DNAH5: variants seen among roughly 807,000 people sequenced by gnomAD.
DNAH5 encodes the protein axonemal beta dynein heavy chain 5.
DNAH5 carries 372 observed loss-of-function variants against 518.2 expected under a neutral mutation model. The observed-to-expected ratio is 0.72, with a 90% CI of 0.66 to 0.78. The LOEUF (loss-of-function observed/expected upper bound fraction) is 0.78, where lower values mean the gene tolerates loss of function less well. DNAH5 is among the 30% of genes least tolerant of loss of function. The probability of loss-of-function intolerance (pLI) is 0.00; values close to 1 mark genes in which losing one functional copy is unlikely to be tolerated. For synonymous variants in DNAH5, 2,039 were observed against 2,025.9 expected (o/e 1.01, Z -0.17); for missense variants, 5,523 against 5,687.0 (o/e 0.97, Z 0.93).
chr5:13,754,076 G>A (rs757716927), intron 62 of DNAH5, 127 bp downstream of exon 62: 81 of 1,086,732 alleles, frequency 7.5e-5, no homozygotes, highest in Admixed American at 1.1e-4. Context: ...TGCGCACAAT[G>A]TGCGGGTTTG....
chr5:13,843,558 T>C (rs1765561799), intron 32 of DNAH5, among the ~76,000 whole-genome samples: 1 of 152,204 alleles, frequency 6.6e-6, no homozygotes, highest in Non-Finnish European at 1.5e-5. Flanking sequence ...TGTGGTCACC[T>C]CTAGCCTCCA....
intron 11 of DNAH5, among the ~76,000 whole-genome samples, chr5:13,913,103 GT>G (rs1190931430): frequency 1.3e-5 from 2 of 151,808 alleles, no homozygotes; most frequent in African/African-American, 4.8e-5. Flanking sequence ...TAGTGTCACT[GT>G]CCCCCAAAAA....
Position 13,911,357 on chromosome 5 carries a change from G to A in DNAH5, c.1644+29C>T. On this transcript the variant is annotated intron_variant, in intron 12 of 78. Coordinates refer to ENST00000265104, the MANE Select transcript of DNAH5 (RefSeq NM_001369.3). ...GAAAGGAAAAAATAAACACACGACT[G>A]TCAACAGGAATTTTATTATACAACC... 3 of 1,554,976 alleles carry A rather than the reference G, an allele frequency of 1.9e-6. No homozygotes were observed. The East Asian group carries it at 6.7e-5, about 35-fold the overall frequency.
At chr5:13,743,259 A>G (rs1430503260) in intron 65 of DNAH5, among the ~76,000 whole-genome samples, 1 of 152,116 alleles carries the variant, frequency 6.6e-6, no homozygotes, top group African/African-American at 2.4e-5. Context: ...TTCTATATAA[A>G]TTCTAAGGCT....
At chr5:13,907,138 T>C (rs1165130635) in intron 12 of DNAH5, among the ~76,000 whole-genome samples, 1 of 151,994 alleles carries the variant, frequency 6.6e-6, no homozygotes, top group Non-Finnish European at 1.5e-5. Context: ...AATTAGAATC[T>C]AGCAGAACGA....
chr5:13,805,480 G>C (rs138760677), intron 47 of DNAH5, among the ~76,000 whole-genome samples: 35 of 152,192 alleles, frequency 2.3e-4, no homozygotes, highest in African/African-American at 7.7e-4. Context: ...CCTGGTGACA[G>C]AGCGAGGCTC....
Position 13,922,325 on chromosome 5 carries a change from C to T in DNAH5, c.442G>A (p.Val148Met), listed in dbSNP as rs752112052. The stretch of plus-strand genomic sequence containing the variant: ...GCCGCATCTAACATGTTAAAACTCA[C>T]CTCCTGGAAAACAGGCAGGAGATCT... ...AITPDNIHQE[V>M]SFNMLDAADG... Residue 148 changes from valine (V) to methionine (M), a missense_variant, in exon 5 of 79, where the codon GTG becomes ATG. This residue lies in a region of DNAH5 where 5,121 missense variants were observed against 5,223.3 expected (regional missense o/e 0.98). Transcript: ENST00000265104. The T allele has an allele frequency of 6.2e-7, 1 of 1,613,264 alleles. No homozygotes were observed. Among genetic ancestry groups the T allele is most frequent in the South Asian group, 1.1e-5 (1 of 90,976 alleles).
Position 13,752,298 on chromosome 5 carries a change from A to G in DNAH5, c.10873-9T>C, listed in dbSNP as rs2126695522. 1.9e-6 allele frequency: 3 copies of G among 1,613,970 alleles called. No homozygotes were observed. The highest frequency in any genetic ancestry group is 2.5e-6 in the Non-Finnish European group (3 of 1,179,870). ...TGATTTAAAGACGTGATCTAGGAAC[A>G]GGATCACAAGGTTGCTATTGGCAGA... On this transcript the variant is annotated splice_polypyrimidine_tract_variant and intron_variant, in intron 63 of 78. Coordinates refer to ENST00000265104, the MANE Select transcript of DNAH5 (RefSeq NM_001369.3).
Position 13,891,617 on chromosome 5 carries a change from T to A in DNAH5, c.2432-496A>T, listed in dbSNP as rs138397179. On this transcript the variant is annotated intron_variant, in intron 16 of 78. Transcript: ENST00000265104. ...CTCCTGTAAAACCACAGATGGAGCATCCTTCCGTCTCTGCGGATTGTCTAC... is the reference window on the plus strand; with the variant it reads ...CTCCTGTAAAACCACAGATGGAGCAACCTTCCGTCTCTGCGGATTGTCTAC... Among the ~76,000 whole-genome samples, 41 of 152,330 alleles carry A rather than the reference T, an allele frequency of 2.7e-4. 1 individual carries two copies. The highest frequency in any genetic ancestry group is 9.9e-4 in the African/African-American group (41 of 41,580).
intron 5 of DNAH5, 109 bp downstream of exon 5, chr5:13,921,998 A>T: frequency 8.2e-7 from 1 of 1,214,186 alleles, no homozygotes; most frequent in South Asian, 1.3e-5. Flanking sequence ...ATTTTTGAAG[A>T]ACTGAAACAT....
At chr5:13,903,791 T>C (rs993171936) in intron 12 of DNAH5, among the ~76,000 whole-genome samples, 1 of 152,066 alleles carries the variant, frequency 6.6e-6, no homozygotes, top group Admixed American at 6.5e-5. Context: ...GGCAACTTTA[T>C]AGGCATTTGG....
intron 1 of DNAH5, among the ~76,000 whole-genome samples, chr5:13,985,930 T>C (rs1212911520): frequency 3.9e-5 from 6 of 152,176 alleles, no homozygotes; most frequent in Non-Finnish European, 8.8e-5. Context: ...CCATTCGGGA[T>C]TTTTTCAGAT....
intron 19 of DNAH5, 106 bp downstream of exon 19, chr5:13,884,883 T>G: frequency 1.4e-6 from 2 of 1,469,894 alleles, no homozygotes; most frequent in Non-Finnish European, 1.8e-6. Context: ...TTATTTAAAT[T>G]TAACAGGAAT....
intron 1 of DNAH5, among the ~76,000 whole-genome samples, chr5:13,973,148 A>G (rs1035087006): frequency 6.6e-6 from 1 of 152,158 alleles, no homozygotes; most frequent in African/African-American, 2.4e-5. Flanking sequence ...GTTCAGAGAA[A>G]AGTTGATGTG....
chr5:14,006,318 T>C (rs1374543102), intron 1 of DNAH5, among the ~76,000 whole-genome samples: 1 of 152,200 alleles, frequency 6.6e-6, no homozygotes, highest in African/African-American at 2.4e-5. Flanking sequence ...CTAGGCAAAC[T>C]GCTTAGCATA....
chr5:13,695,566 T>G (rs13158612), intron 78 of DNAH5, among the ~76,000 whole-genome samples: 1 of 151,968 alleles, frequency 6.6e-6, no homozygotes, highest in African/African-American at 2.4e-5. Context: ...ATATACCTCA[T>G]GACAAACAAA....
chr5:13,807,927 T>A (rs1043128150), intron 46 of DNAH5, among the ~76,000 whole-genome samples: 2 of 152,028 alleles, frequency 1.3e-5, no homozygotes, highest in Non-Finnish European at 2.9e-5. Flanking sequence ...ACTCGTGTCC[T>A]TATAAGAAGA....
chr5:13,718,118 C>T (rs1397651428), intron 72 of DNAH5, among the ~76,000 whole-genome samples: 2 of 152,000 alleles, frequency 1.3e-5, no homozygotes, highest in Non-Finnish European at 2.9e-5. Context: ...AGCAACTCCC[C>T]AAAAGTCTCT....
chr5:13,890,779 T>C (rs552460355), intron 17 of DNAH5, among the ~76,000 whole-genome samples, 197 bp downstream of exon 17: 27 of 152,328 alleles, frequency 1.8e-4, no homozygotes, highest in African/African-American at 5.5e-4. Flanking sequence ...GTGTTCCCCA[T>C]AGCTAAGTGA....
Sources: gnomAD v4.1 joint callset for allele counts (sites outside exome capture counted in the v4.1 genomes callset) on GRCh38, gnomAD v4.1.1 for gene constraint, gnomAD v4.1.1 regional missense constraint, MANE v1.5 for transcripts, NCBI Gene and HGNC (gene_info 2026-07-23, HGNC 2026-07-21) for gene names.